The following SLC9A9 variants were observed in gnomAD, a reference collection of about 807,000 sequenced individuals.
SLC9A9 encodes the protein sodium/hydrogen exchanger 9.
Under a neutral mutation model 77.8 loss-of-function variants are expected in SLC9A9, and 62 were observed. The observed-to-expected ratio is 0.80, with a 90% CI of 0.65 to 0.98. The LOEUF is 0.98. Ranked by LOEUF, SLC9A9 falls within the 50% of genes least tolerant of loss-of-function variation. The pLI is 0.00. For missense variants in SLC9A9, 775 were observed against 774.9 expected (o/e 1.00, Z 0.00); for synonymous variants, 320 against 283.5 (o/e 1.13, Z -1.29).
chr3:143,544,653 CAGA>C (rs2036754341), intron 9 of SLC9A9, among the ~76,000 whole-genome samples: 1 of 152,162 alleles, frequency 6.6e-6, no homozygotes, highest in African/African-American at 2.4e-5. Flanking sequence ...TTTTGCTGTG[CAGA>C]AGCTCTTCGG....
chr3:143,322,487 A>C (rs940822504), intron 14 of SLC9A9, among the ~76,000 whole-genome samples: 3 of 148,810 alleles, frequency 2.0e-5, no homozygotes, highest in African/African-American at 7.4e-5. Flanking sequence ...GGATCTTGGG[A>C]CTTCTCAGTC....
At chr3:143,539,639 G>T (rs1366266546) in intron 9 of SLC9A9, among the ~76,000 whole-genome samples, 1 of 152,060 alleles carries the variant, frequency 6.6e-6, no homozygotes, top group Non-Finnish European at 1.5e-5. Flanking sequence ...AACTGTAATG[G>T]GCTATTAAAG....
At chr3:143,679,070 T>G (rs772064081) in intron 5 of SLC9A9, among the ~76,000 whole-genome samples, 23 of 151,048 alleles carry the variant, frequency 1.5e-4, no homozygotes, top group Non-Finnish European at 2.7e-4. Context: ...GTGGGAAGAG[T>G]GCAGCAAATC....
At chr3:143,648,532 C>A (rs962467796) in intron 6 of SLC9A9, among the ~76,000 whole-genome samples, 10 of 152,198 alleles carry the variant, frequency 6.6e-5, no homozygotes, top group African/African-American at 2.4e-4. Context: ...TCCTAACAGG[C>A]CACAGACCAG....
rs2035246331 is a variant in SLC9A9 at position 143,464,345 on chromosome 3, T to C, written c.1469+2692A>G. On this transcript the variant is annotated intron_variant, in intron 12 of 15. Transcript: ENST00000316549. ...AGCCATAATGGAATTGAGAATTTCT[T>C]TGACAACATTATAAACCATGGTAGG... Among the ~76,000 whole-genome samples the C allele has an allele frequency of 2.0e-5, 3 of 152,226 alleles. No homozygotes were observed. The South Asian group carries it at 6.2e-4, about 32-fold the overall frequency.
Position 143,443,734 on chromosome 3 carries a change from C to T in SLC9A9, c.1469+23303G>A, listed in dbSNP as rs1217739965. On this transcript the variant is annotated intron_variant, in intron 12 of 15. Transcript: ENST00000316549. ...TCACAATAAGTAGAACTTATGCTAT[C>T]ATGTTTAAGTTTGATCTTATGTTCC... Among the ~76,000 whole-genome samples, 7 of 152,294 alleles carry T rather than the reference C, an allele frequency of 4.6e-5. No homozygotes were observed. In the East Asian group the frequency reaches 1.3e-3, roughly 29 times the overall value.
At chr3:143,688,210 C>T (rs1435084604) in intron 5 of SLC9A9, among the ~76,000 whole-genome samples, 1 of 151,928 alleles carries the variant, frequency 6.6e-6, no homozygotes, top group Non-Finnish European at 1.5e-5. Flanking sequence ...CTCGGCCTCC[C>T]AGAGTGTTGG....
chr3:143,406,464 G>GC (rs1341531365), intron 12 of SLC9A9, among the ~76,000 whole-genome samples: 1 of 151,296 alleles, frequency 6.6e-6, no homozygotes, highest in African/African-American at 2.4e-5. Flanking sequence ...TGCAACCTCC[G>GC]CCTCCTGGGT....
chr3:143,799,602 C>T (rs1217451253), intron 2 of SLC9A9, among the ~76,000 whole-genome samples: 2 of 152,206 alleles, frequency 1.3e-5, no homozygotes, highest in Non-Finnish European at 2.9e-5. Flanking sequence ...TGCCCGCAGA[C>T]CAGGATTCCT....
chr3:143,770,460 C>T (rs571007766), intron 4 of SLC9A9, among the ~76,000 whole-genome samples: 1 of 152,226 alleles, frequency 6.6e-6, no homozygotes, highest in African/African-American at 2.4e-5. Flanking sequence ...GATTATTCAA[C>T]AAGTATTCCT....
intron 11 of SLC9A9, among the ~76,000 whole-genome samples, chr3:143,492,672 C>T (rs1482558589): frequency 3.3e-5 from 5 of 152,200 alleles, no homozygotes; most frequent in Non-Finnish European, 5.9e-5. Context: ...GTTTCTTCAT[C>T]TACAAAATGT....
intron 5 of SLC9A9, among the ~76,000 whole-genome samples, chr3:143,653,132 T>C (rs1310081473): frequency 6.6e-6 from 1 of 152,198 alleles, no homozygotes; most frequent in Non-Finnish European, 1.5e-5. Flanking sequence ...CTGAGTCTCA[T>C]TCTGTCCTGA....
At position 143,267,345 on chromosome 3, in the gene SLC9A9, C is replaced by CTTTTT. The variant is rs749407002; in HGVS notation, c.1711-421_1711-417dup. 2.0e-3 allele frequency among the ~76,000 whole-genome samples: 230 copies of CTTTTT among 113,592 alleles called. 9 individuals are homozygous for CTTTTT. The highest frequency in any genetic ancestry group is 7.0e-3 in the African/African-American group (182 of 26,142). 74.5% of individuals were successfully genotyped at this position (113,592 alleles called of 152,430 possible). On this transcript the variant is annotated intron_variant, in intron 15 of 15. Coordinates refer to ENST00000316549, the MANE Select transcript of SLC9A9 (RefSeq NM_173653.4). ...AATCCTTGAAACACAGTTATTGCTA[C>CTTTTT]TTTTTTTTTTTTTTTTTTTTTGAGA... is the stretch of plus-strand genomic sequence containing the variant.
intron 9 of SLC9A9, among the ~76,000 whole-genome samples, chr3:143,507,961 C>T (rs942448461): frequency 2.6e-5 from 4 of 152,174 alleles, no homozygotes; most frequent in Admixed American, 6.5e-5. Context: ...GGGCTCCACC[C>T]TCATGACCTA....
chr3:143,565,127 C>T (rs985532170), intron 8 of SLC9A9, among the ~76,000 whole-genome samples: 2 of 152,176 alleles, frequency 1.3e-5, no homozygotes, highest in Non-Finnish European at 1.5e-5. Context: ...CTGTACTTTT[C>T]CATGTGGATA....
At chr3:143,624,915 G>C (rs535836974) in intron 6 of SLC9A9, among the ~76,000 whole-genome samples, 123 of 152,284 alleles carry the variant, frequency 8.1e-4, no homozygotes, top group African/African-American at 2.8e-3. Context: ...CTTCAGCAAA[G>C]TCTCAGGATA....
chr3:143,508,956 G>T (rs1418869678), intron 9 of SLC9A9, among the ~76,000 whole-genome samples: 1 of 152,104 alleles, frequency 6.6e-6, no homozygotes, highest in East Asian at 1.9e-4. Flanking sequence ...CTTAATTTTT[G>T]TTCTACAGGT....
At chr3:143,705,395 A>C (rs971760174) in intron 4 of SLC9A9, among the ~76,000 whole-genome samples, 1 of 152,194 alleles carries the variant, frequency 6.6e-6, no homozygotes, top group Non-Finnish European at 1.5e-5. Flanking sequence ...TTAACATAAC[A>C]GGGTGACTAC....
chr3:143,811,787 G>T (rs769174701), intron 2 of SLC9A9: 11 of 448,060 alleles, frequency 2.5e-5, no homozygotes, highest in African/African-American at 4.0e-5. Flanking sequence ...GCATGAACCC[G>T]GGAGGCAGAG....
Sources: gnomAD v4.1 joint callset for allele counts (sites outside exome capture counted in the v4.1 genomes callset) on GRCh38, gnomAD v4.1.1 for gene constraint, MANE v1.5 for transcripts, NCBI Gene and HGNC (gene_info 2026-07-23, HGNC 2026-07-21) for gene names.